HECTD4: variants seen among roughly 807,000 people sequenced by gnomAD.
HECTD4 encodes the protein probable E3 ubiquitin-protein ligase HECTD4.
A neutral mutation model predicts 471.5 loss-of-function variants in HECTD4; 114 were observed. The observed-to-expected ratio is 0.24, with a 90% CI of 0.21 to 0.28. HECTD4 has a LOEUF of 0.28. Among genes scored for constraint, HECTD4 ranks in the 10% least tolerant of loss-of-function variants. The pLI, the probability that HECTD4 is intolerant of heterozygous loss-of-function variation, is 1.00. For missense variants in HECTD4, 3,866 were observed against 5,651.5 expected, an observed-to-expected ratio of 0.68 and a Z score of 10.13; for synonymous variants, 2,012 against 2,256.0, an observed-to-expected ratio of 0.89 and a Z score of 3.07.
At chr12:112,168,575 A>C (rs2031077572) in intron 70 of HECTD4, among the ~76,000 whole-genome samples, 1 of 152,164 alleles carries the variant, frequency 6.6e-6, no homozygotes, top group Non-Finnish European at 1.5e-5. Context: ...GGTAAGAGCC[A>C]TGTGGAAACC....
rs2034077153 is a variant in HECTD4 at position 112,258,560 on chromosome 12, C to T, written c.3064G>A (p.Ala1022Thr). 8 of 1,606,448 alleles carry T rather than the reference C, an allele frequency of 5.0e-6. No individual in the cohort carries two copies. Among genetic ancestry groups the T allele is most frequent in the Non-Finnish European group, 6.8e-6 (8 of 1,177,042 alleles). ...LLLKTQCPVFAEVGCSPCGAP... is the reference protein window; with the variant it reads ...LLLKTQCPVFTEVGCSPCGAP... ...CCACACGGGGAACAGCCCACCTCAG[C>T]AAAAACCGGACACTGGGTTTTAAGC... Residue 1022 changes from alanine (A) to threonine (T), a missense_variant, in exon 20 of 76, where the codon GCT (alanine) becomes ACT (threonine). By Grantham distance (58) the Ala-to-Thr change is moderately conservative. Coordinates refer to ENST00000682272, the MANE Select transcript of HECTD4 (RefSeq NM_001388303.1).
chr12:112,372,397 C>A (rs1033138922), intron 1 of HECTD4, among the ~76,000 whole-genome samples: 2 of 152,030 alleles, frequency 1.3e-5, no homozygotes, highest in African/African-American at 4.8e-5. Flanking sequence ...GTAGCTGGGA[C>A]TACAGGTGCC....
chr12:112,226,946 A>G (rs979955415), intron 43 of HECTD4, 188 bp from the exon 44 acceptor site: 2 of 473,186 alleles, frequency 4.2e-6, no homozygotes, highest in African/African-American at 3.9e-5. Context: ...CTCTTTTGCC[A>G]CACAGTAACT....
intron 10 of HECTD4, 93 bp from the exon 11 acceptor site, chr12:112,273,888 G>A: frequency 6.9e-7 from 1 of 1,446,014 alleles, no homozygotes. Flanking sequence ...GAAGGGCAAG[G>A]ATGCTCTCTA....
At chr12:112,316,815 C>T (rs2035489135) in intron 2 of HECTD4, among the ~76,000 whole-genome samples, 1 of 150,872 alleles carries the variant, frequency 6.6e-6, no homozygotes, top group African/African-American at 2.4e-5. Flanking sequence ...CTTCTGAAGT[C>T]CAGAACATGA....
At chr12:112,183,849 C>G (rs559923137) in intron 61 of HECTD4, among the ~76,000 whole-genome samples, 1 of 152,330 alleles carries the variant, frequency 6.6e-6, no homozygotes, top group African/African-American at 2.4e-5. Context: ...GCTCAGTGAC[C>G]ATCCCTCCTG....
At chr12:112,195,126 G>A in intron 55 of HECTD4, 60 bp from the exon 56 acceptor site, 1 of 1,449,562 alleles carries the variant, frequency 6.9e-7, no homozygotes, top group Non-Finnish European at 9.3e-7. Flanking sequence ...CCCATACCGG[G>A]ACCAGGCCGC....
chr12:112,226,623 A>C lies in HECTD4; in HGVS notation c.6970+20T>G, dbSNP rs1345487900. 6.6e-7 allele frequency: 1 copy of C among 1,505,938 alleles called. No homozygotes were observed. The highest frequency in any genetic ancestry group is 1.7e-5 in the Admixed American group (1 of 57,840). 93.3% of individuals were successfully genotyped at this position (1,505,938 alleles called of 1,614,324 possible). On this transcript the variant is annotated intron_variant, in intron 44 of 75. Coordinates refer to ENST00000682272, the MANE Select transcript of HECTD4 (RefSeq NM_001388303.1). ...GAAAATTCAATAAAACAGGGTGGTA[A>C]GGCAAGTTCAGGTACTCACCAGCAC...
chr12:112,359,124 C>T (rs1484049238), intron 1 of HECTD4, among the ~76,000 whole-genome samples: 2 of 150,980 alleles, frequency 1.3e-5, no homozygotes, highest in Non-Finnish European at 2.9e-5. Flanking sequence ...TGCAATGAGT[C>T]GAGATGGGCC....
chr12:112,337,100 G>C (rs2035972112), intron 1 of HECTD4, among the ~76,000 whole-genome samples: 2 of 152,162 alleles, frequency 1.3e-5, no homozygotes, highest in Admixed American at 1.3e-4. Context: ...TAGTTTTGCA[G>C]ATAGAAACTT....
chr12:112,309,031 G>A, intron 5 of HECTD4, 140 bp from the exon 6 acceptor site: 1 of 881,756 alleles, frequency 1.1e-6, no homozygotes, highest in South Asian at 1.9e-5. Flanking sequence ...GAAAGTGAAT[G>A]TATTACATTA....
Position 112,167,479 on chromosome 12 carries a change from G to C in HECTD4, c.12372C>G (p.Phe4124Leu), listed in dbSNP as rs759736610. 1 of 1,612,364 alleles carries C rather than the reference G, an allele frequency of 6.2e-7. No homozygotes were observed. Among genetic ancestry groups the C allele is most frequent in the Non-Finnish European group, 8.5e-7 (1 of 1,178,894 alleles). ...TTGCAATCCCCAGCAGCTGCCCCAGGAAGTGCAGCAGCTGCTCCTCCCCGT... is the reference window on the plus strand; with the variant it reads ...TTGCAATCCCCAGCAGCTGCCCCAGCAAGTGCAGCAGCTGCTCCTCCCCGT... ...ITYGEEQLLH[F>L]LGQLLGIAIR... Residue 4124 changes from phenylalanine (F) to leucine (L), a missense_variant, in exon 72 of 76, where the codon TTC (phenylalanine) becomes TTG (leucine). Physicochemically the swap from Phe to Leu is conservative, Grantham distance 22. Coordinates refer to ENST00000682272, the MANE Select transcript of HECTD4 (RefSeq NM_001388303.1).
chr12:112,174,554 T>G (rs1325159239), intron 66 of HECTD4, among the ~76,000 whole-genome samples: 1 of 152,020 alleles, frequency 6.6e-6, no homozygotes, highest in Non-Finnish European at 1.5e-5. Context: ...ATGCTCAGCC[T>G]TGGTAGCCAT....
chr12:112,172,973 C>T (rs1339466430), intron 66 of HECTD4, 112 bp from the exon 67 acceptor site: 38 of 902,698 alleles, frequency 4.2e-5, no homozygotes, highest in South Asian at 2.0e-4. Flanking sequence ...ATTCAGAAGA[C>T]GGCCTCGCCT....
At chr12:112,177,874 G>A (rs954166087) in intron 64 of HECTD4, among the ~76,000 whole-genome samples, 17 of 152,326 alleles carry the variant, frequency 1.1e-4, no homozygotes, top group African/African-American at 4.1e-4. Flanking sequence ...AACCTTGCAG[G>A]CTCAGGGAGG....
intron 24 of HECTD4, among the ~76,000 whole-genome samples, 156 bp downstream of exon 24, chr12:112,250,815 T>C (rs1205830230): frequency 1.3e-5 from 2 of 152,166 alleles, no homozygotes; most frequent in African/African-American, 4.8e-5. Context: ...AGCACTATGG[T>C]GTAATTTTCA....
chr12:112,192,728 C>T lies in HECTD4; in HGVS notation c.9124G>A (p.Val3042Ile), dbSNP rs372375995. The change falls in exon 59 of 76, where the codon GTA (valine) becomes ATA (isoleucine). Residue 3042 changes from valine (V) to isoleucine (I), a missense_variant. Coordinates refer to ENST00000682272, the MANE Select transcript of HECTD4 (RefSeq NM_001388303.1). ...LYKAPWARVL[V>I]YGLGHKVKRN... ...TTCACTTTGTGGCCGAGGCCATATA[C>T]GAGCACCCGTGCCCACGGTGCCTTG... 822 of 1,595,252 alleles carry T rather than the reference C, an allele frequency of 5.2e-4. 11 individuals are homozygous for T. In the Admixed American group the frequency reaches 6.1e-3, roughly 12 times the overall value.
chr12:112,184,245 G>A lies in HECTD4; in HGVS notation c.10721C>T (p.Thr3574Ile), dbSNP rs533857965. ...VSDMGSMYTV[T>I]SLDNQPLAAR... ...GGCGAGGGGCTGGTTGTCCAGGGAA[G>A]TGACTGTGTACATGGAGCCCATGTC... The change falls in exon 61 of 76, where the codon ACT becomes ATT. Residue 3574 changes from threonine (T) to isoleucine (I), a missense_variant. Around this residue, in one of 16 missense-constraint regions of HECTD4, gnomAD observed 192 missense variants for 189.9 expected, o/e 1.01. Coordinates refer to ENST00000682272, the MANE Select transcript of HECTD4 (RefSeq NM_001388303.1). The surrounding 1 kb of genome is among the most constrained non-coding windows in gnomAD (Gnocchi z 9.1). 3.1e-6 allele frequency: 5 copies of A among 1,613,606 alleles called. No homozygotes were observed. In the East Asian group the frequency reaches 1.1e-4, roughly 36 times the overall value.
intron 1 of HECTD4, among the ~76,000 whole-genome samples, chr12:112,334,015 C>T (rs1286509551): frequency 6.6e-6 from 1 of 151,888 alleles, no homozygotes; most frequent in Non-Finnish European, 1.5e-5. Context: ...TCAATACCAG[C>T]CTGGCCAATA....
Sources: gnomAD v4.1 joint callset for allele counts (sites outside exome capture counted in the v4.1 genomes callset) on GRCh38, gnomAD v4.1.1 for gene constraint, gnomAD v4.1.1 regional missense constraint, Gnocchi (gnomAD v3.1) non-coding constraint, MANE v1.5 for transcripts, NCBI Gene and HGNC (gene_info 2026-07-23, HGNC 2026-07-21) for gene names.